Variants in KDM4B observed in about 807,000 individuals in gnomAD.
KDM4B encodes lysine-specific demethylase 4B.
KDM4B carries 32 observed loss-of-function variants against 125.2 expected under a neutral mutation model. The ratio of observed to expected loss-of-function variants is 0.26; its 90% CI spans 0.19 to 0.34. The LOEUF (loss-of-function observed/expected upper bound fraction) is 0.34, where lower values mean the gene tolerates loss of function less well. KDM4B is among the 10% of genes least tolerant of loss of function. The probability of loss-of-function intolerance (pLI) is 1.00; values close to 1 mark genes in which losing one functional copy is unlikely to be tolerated. For synonymous variants in KDM4B, 721 were observed against 677.9 expected, an observed-to-expected ratio of 1.06 and a Z score of -0.99; for missense variants, 1,190 against 1,577.7, an observed-to-expected ratio of 0.75 and a Z score of 4.16.
intron 1 of KDM4B, among the ~76,000 whole-genome samples, chr19:4,984,046 G>A (rs2034743290): frequency 6.6e-6 from 1 of 152,220 alleles, no homozygotes. Flanking sequence ...GGCCACAGCT[G>A]GGGACATTTG....
At chr19:5,030,639 C>G (rs985924483) in intron 2 of KDM4B, among the ~76,000 whole-genome samples, 3 of 152,244 alleles carry the variant, frequency 2.0e-5, no homozygotes, top group African/African-American at 7.2e-5. Context: ...CCACCAGCTG[C>G]CAAAGCGCAG....
rs569722274 is a variant in KDM4B, at chr19:5,127,859, C to T, written c.1316-3217C>T. ...GCCTGGGGCGGTCACACCAGCCGCCCCTCAGCTCCCAGGAGGCCCCGTTGG... is the reference window on the plus strand; with the variant it reads ...GCCTGGGGCGGTCACACCAGCCGCCTCTCAGCTCCCAGGAGGCCCCGTTGG... On this transcript the variant is annotated intron_variant, in intron 11 of 22. Coordinates refer to ENST00000159111, the MANE Select transcript of KDM4B (RefSeq NM_015015.3). Among the ~76,000 whole-genome samples, 81 of 152,306 alleles carry T rather than the reference C, an allele frequency of 5.3e-4. 1 individual carries two copies. Among genetic ancestry groups the T allele is most frequent in the African/African-American group, 1.8e-3 (74 of 41,580 alleles).
intron 1 of KDM4B, among the ~76,000 whole-genome samples, chr19:4,972,192 G>A (rs746071442): frequency 1.3e-5 from 2 of 152,196 alleles, no homozygotes; most frequent in East Asian, 1.9e-4. Context: ...TGGTCTTGAC[G>A]ACGTCTCTGG....
intron 9 of KDM4B, among the ~76,000 whole-genome samples, chr19:5,086,742 C>G (rs1226736352): frequency 6.6e-6 from 1 of 152,348 alleles, no homozygotes; most frequent in South Asian, 2.1e-4. Context: ...AGTGCAGCTC[C>G]CTCTGGAGTT....
chr19:5,094,069 G>A (rs1331307143), intron 9 of KDM4B, among the ~76,000 whole-genome samples: 1 of 152,216 alleles, frequency 6.6e-6, no homozygotes, highest in Non-Finnish European at 1.5e-5. Context: ...TTCAGGGCTG[G>A]CCGAGATCTC....
intron 1 of KDM4B, among the ~76,000 whole-genome samples, chr19:4,975,167 G>C (rs2034401620): frequency 6.6e-6 from 1 of 152,156 alleles, no homozygotes; most frequent in Non-Finnish European, 1.5e-5. Context: ...TTTTCTGGAA[G>C]GGCCGGAGAA....
chr19:5,142,685 C>A lies in KDM4B; in HGVS notation c.2551-1282C>A, dbSNP rs959141611. The stretch of plus-strand genomic sequence containing the variant: ...GGCTCCCCAGGGAGCACAGCCTCCA[C>A]TCCTACACACTGGCTACTCTGCCGG... On this transcript the variant is annotated intron_variant, in intron 18 of 22. Coordinates refer to ENST00000159111, the MANE Select transcript of KDM4B (RefSeq NM_015015.3). The surrounding 1 kb of genome is among the most constrained non-coding windows in gnomAD (Gnocchi z 5.4). Among the ~76,000 whole-genome samples, 1 of 152,146 alleles carries A rather than the reference C, an allele frequency of 6.6e-6. No homozygotes were observed. The highest frequency in any genetic ancestry group is 2.4e-5 in the African/African-American group (1 of 41,430).
intron 2 of KDM4B, among the ~76,000 whole-genome samples, chr19:5,018,720 C>T (rs756050721): frequency 5.3e-5 from 8 of 152,234 alleles, no homozygotes; most frequent in South Asian, 4.1e-4. Flanking sequence ...AGTTGCTCTT[C>T]ATCCTGTCCC....
At position 5,112,098 on chromosome 19, in the gene KDM4B, T is replaced by A. The variant is rs957669283; in HGVS notation, c.1115+1280T>A. 3 of 412,960 alleles carry A rather than the reference T, an allele frequency of 7.3e-6. No individual in the cohort carries two copies. In the East Asian group the frequency reaches 1.4e-4, roughly 19 times the overall value. 25.6% of individuals were successfully genotyped at this position (412,960 alleles called of 1,614,324 possible). ...TGAGATGCCATCTCTACAAAAAATT[T>A]AAAAATCAGCTGGGTGTGGTGGTGT... On this transcript the variant is annotated intron_variant, in intron 10 of 22. Transcript: ENST00000159111.
rs547978502 is a variant in KDM4B, at chr19:5,090,980, C to G, written c.918+8476C>G. 5.9e-5 allele frequency among the ~76,000 whole-genome samples: 9 copies of G among 152,250 alleles called. No homozygotes were observed. In the East Asian group the frequency reaches 1.8e-3, roughly 30 times the overall value. Reference sequence around the variant, plus strand: ...GGCTTCCTGTCTCAGAGCAGGATCCCCCGGCATGTGCTCCAGCAGGCAGGC... The same window carrying G: ...GGCTTCCTGTCTCAGAGCAGGATCCGCCGGCATGTGCTCCAGCAGGCAGGC... On this transcript the variant is annotated intron_variant, in intron 9 of 22. Coordinates refer to ENST00000159111, the MANE Select transcript of KDM4B (RefSeq NM_015015.3).
At chr19:5,096,086 C>CTTT (rs36115996) in intron 9 of KDM4B, among the ~76,000 whole-genome samples, 32 of 136,700 alleles carry the variant, frequency 2.3e-4, no homozygotes, top group African/African-American at 8.3e-4. Context: ...TGTGGGGAAT[C>CTTT]TTTTTTTTTT....
At chr19:4,987,790 A>G (rs1308810550) in intron 1 of KDM4B, among the ~76,000 whole-genome samples, 1 of 151,304 alleles carries the variant, frequency 6.6e-6, no homozygotes, top group Non-Finnish European at 1.5e-5. Flanking sequence ...CTGTCGGGAA[A>G]CTCCAGGCGT....
intron 9 of KDM4B, among the ~76,000 whole-genome samples, chr19:5,096,782 C>T (rs1199945558): frequency 6.8e-6 from 1 of 147,170 alleles, no homozygotes; most frequent in Non-Finnish European, 1.5e-5. Flanking sequence ...GCCGTGGCGC[C>T]TGCCTGGTGG....
intron 18 of KDM4B, chr19:5,138,392 G>T (rs547595391): frequency 2.6e-4 from 91 of 343,812 alleles, no homozygotes; most frequent in Non-Finnish European, 4.2e-4. Context: ...AAAAGCAGAG[G>T]CACCGCACGT....
intron 1 of KDM4B, among the ~76,000 whole-genome samples, chr19:5,015,477 C>A (rs546516662): frequency 3.3e-5 from 5 of 152,116 alleles, no homozygotes; most frequent in African/African-American, 9.7e-5. Context: ...GTCTTGAACC[C>A]CTGACCTCAG....
chr19:4,975,891 C>G, intron 1 of KDM4B, among the ~76,000 whole-genome samples: 1 of 150,856 alleles, frequency 6.6e-6, no homozygotes, highest in East Asian at 2.0e-4. Flanking sequence ...CCGTGCCCAG[C>G]CTGAGTGTGA....
rs553259163 is a variant in KDM4B at position 5,078,961 on chromosome 19, C to G, written c.780+1491C>G. The G allele has an allele frequency of 6.6e-6, 1 of 152,182 alleles. No homozygotes were observed. The highest frequency in any genetic ancestry group is 1.5e-5 in the Non-Finnish European group (1 of 68,030). 9.4% of individuals were successfully genotyped at this position (152,182 alleles called of 1,614,324 possible). A position where few individuals can be genotyped will look rare whatever the true frequency, so the allele number is the denominator to read the frequency against. ...ACCCTGTGCCGCCCGGCCTGGGGAC[C>G]GTCCTTCAGCCTCTCAGACGCCATG... On this transcript the variant is annotated intron_variant, in intron 8 of 22. Transcript: ENST00000159111. The surrounding 1 kb of genome is among the most constrained non-coding windows in gnomAD (Gnocchi z 4.5).
At chr19:5,020,779 T>TA (rs1186287466) in intron 2 of KDM4B, among the ~76,000 whole-genome samples, 1 of 152,154 alleles carries the variant, frequency 6.6e-6, no homozygotes, top group South Asian at 2.1e-4. Context: ...TCCTGACCTG[T>TA]AAAAAAGCAC....
At chr19:5,057,778 C>G (rs1222168080) in intron 6 of KDM4B, among the ~76,000 whole-genome samples, 1 of 152,176 alleles carries the variant, frequency 6.6e-6, no homozygotes, top group Non-Finnish European at 1.5e-5. Context: ...AGGGTGTGTC[C>G]CAATTGGCGA....
Sources: gnomAD v4.1 joint callset for allele counts (sites outside exome capture counted in the v4.1 genomes callset) on GRCh38, gnomAD v4.1.1 for gene constraint, Gnocchi (gnomAD v3.1) non-coding constraint, MANE v1.5 for transcripts, NCBI Gene and HGNC (gene_info 2026-07-23, HGNC 2026-07-21) for gene names.